RASGEF1C: variants seen among roughly 807,000 people sequenced by gnomAD.
The protein encoded by RASGEF1C is ras-GEF domain-containing family member 1C.
A neutral mutation model predicts 58.1 loss-of-function variants in RASGEF1C; 27 were observed. The ratio of observed to expected loss-of-function variants is 0.46; its 90% CI spans 0.34 to 0.64. The LOEUF (loss-of-function observed/expected upper bound fraction) is 0.64. RASGEF1C is among the 30% of genes least tolerant of loss of function. The probability of loss-of-function intolerance (pLI) is 0.01; values close to 1 mark genes in which losing one functional copy is unlikely to be tolerated. For synonymous variants in RASGEF1C, 243 were observed against 246.3 expected, an observed-to-expected ratio of 0.99 and a Z score of 0.13; for missense variants, 502 against 605.1, an observed-to-expected ratio of 0.83 and a Z score of 1.79.
intron 12 of RASGEF1C, among the ~76,000 whole-genome samples, 185 bp downstream of exon 12, chr5:180,111,272 C>G (rs1055775170): frequency 1.3e-5 from 2 of 152,290 alleles, no homozygotes; most frequent in African/African-American, 4.8e-5. Flanking sequence ...CAGGCCCATC[C>G]TGTACTCCTG....
chr5:180,194,061 TTTCTCCCTGAAAGTCCACTGGGCCTGGA>T, intron 1 of RASGEF1C, among the ~76,000 whole-genome samples: 1 of 151,850 alleles, frequency 6.6e-6, no homozygotes, highest in African/African-American at 2.4e-5. Flanking sequence ...AAAGAGATTC[TTTCTCCCTGAAAGTCCACTGGGCCTGGA>T]TGCGGTGTGA....
At chr5:180,190,406 C>T (rs191923330) in intron 1 of RASGEF1C, among the ~76,000 whole-genome samples, 19,336 of 146,714 alleles carry the variant, frequency 0.13, 1,345 homozygotes, top group Middle Eastern at 0.26. Context: ...AGGAGAGTGG[C>T]GTGAACCTGG....
In RASGEF1C at chr5:180,119,554, C is replaced by T. The variant is rs77928977; in HGVS notation, c.805-106G>A. ...CTTCACCTTCTCTAAACCCATTGCA[C>T]AGCTGAGGCACTTGAGGCTCAGGGT... On this transcript the variant is annotated intron_variant, in intron 7 of 13. Coordinates refer to ENST00000361132, the MANE Select transcript of RASGEF1C (RefSeq NM_175062.4). 1,957 of 797,026 alleles carry T rather than the reference C, an allele frequency of 2.5e-3. 21 individuals are homozygous for T. In the African/African-American group the frequency reaches 0.03, roughly 12 times the overall value. 49.4% of individuals were successfully genotyped at this position (797,026 alleles called of 1,614,324 possible). A position where few individuals can be genotyped will look rare whatever the true frequency, so the allele number is the denominator to read the frequency against.
At chr5:180,193,205 G>A (rs1328397294) in intron 1 of RASGEF1C, among the ~76,000 whole-genome samples, 1 of 114,154 alleles carries the variant, frequency 8.8e-6, no homozygotes, top group Non-Finnish European at 2.0e-5. Context: ...ACAGGTGCCC[G>A]CCACCGCACC....
In RASGEF1C at chr5:180,138,349, C is replaced by T. The variant is rs906944561; in HGVS notation, c.-6-291G>A. 2.6e-5 allele frequency: 8 copies of T among 312,776 alleles called. No individual in the cohort carries two copies. In the South Asian group the frequency reaches 4.6e-4, roughly 18 times the overall value. 19.4% of individuals were successfully genotyped at this position (312,776 alleles called of 1,614,324 possible). On this transcript the variant is annotated intron_variant, in intron 1 of 13. Transcript: ENST00000361132. ...CAGGCCTCTTCTAGATTCTTCCCCCCGGCACCCCTCCACGAAGGTTGTTTT... is the reference window on the plus strand; with the variant it reads ...CAGGCCTCTTCTAGATTCTTCCCCCTGGCACCCCTCCACGAAGGTTGTTTT...
At chr5:180,188,087 C>G (rs924682206) in intron 1 of RASGEF1C, among the ~76,000 whole-genome samples, 1 of 152,162 alleles carries the variant, frequency 6.6e-6, no homozygotes, top group Non-Finnish European at 1.5e-5. Context: ...CCCACATGTC[C>G]ATCAACAGAT....
chr5:180,180,038 C>A (rs551232056), intron 1 of RASGEF1C, among the ~76,000 whole-genome samples: 84 of 152,294 alleles, frequency 5.5e-4, no homozygotes, highest in African/African-American at 1.9e-3. Flanking sequence ...GCCAGCTAGG[C>A]GGGGGCAGGC....
In RASGEF1C at chr5:180,137,755, C is replaced by G. The variant is rs1433070002; in HGVS notation, c.178-43G>C. ...AAGAGGGCACAGGCTCAGGAGGGCA[C>G]CAGGAGGGGCATGCTTCCCAGCTGG... On this transcript the variant is annotated intron_variant, in intron 2 of 13. Coordinates refer to ENST00000361132, the MANE Select transcript of RASGEF1C (RefSeq NM_175062.4). The surrounding 1 kb of genome is among the most constrained non-coding windows in gnomAD (Gnocchi z 4.1). 2 of 1,609,338 alleles carry G rather than the reference C, an allele frequency of 1.2e-6. No individual in the cohort carries two copies. Among genetic ancestry groups the G allele is most frequent in the South Asian group, 2.2e-5 (2 of 90,548 alleles).
Position 180,158,451 on chromosome 5 carries a change from C to T in RASGEF1C, c.-6-20393G>A, listed in dbSNP as rs1204385463. Reference sequence around the variant, plus strand: ...CCTGTAAACGTTCTCATTTTACTCACACTTGCTAGTGTAGTTTATAGTTCA... The same window carrying T: ...CCTGTAAACGTTCTCATTTTACTCATACTTGCTAGTGTAGTTTATAGTTCA... On this transcript the variant is annotated intron_variant, in intron 1 of 13. Transcript: ENST00000361132. The surrounding 1 kb of genome is among the most constrained non-coding windows in gnomAD (Gnocchi z 4.0). Among the ~76,000 whole-genome samples, 1 of 152,210 alleles carries T rather than the reference C, an allele frequency of 6.6e-6. No individual in the cohort carries two copies. Among genetic ancestry groups the T allele is most frequent in the Non-Finnish European group, 1.5e-5 (1 of 68,036 alleles).
At chr5:180,182,142 T>G (rs1356637018) in intron 1 of RASGEF1C, among the ~76,000 whole-genome samples, 1 of 138,654 alleles carries the variant, frequency 7.2e-6, no homozygotes, top group Admixed American at 7.7e-5. Flanking sequence ...GAGGTGGAGC[T>G]TGCAGTGAGT....
At chr5:180,159,095 C>T (rs766826637) in intron 1 of RASGEF1C, among the ~76,000 whole-genome samples, 1 of 150,732 alleles carries the variant, frequency 6.6e-6, no homozygotes. Flanking sequence ...AATATCTTCT[C>T]TTACCTCTCT....
At chr5:180,127,417 G>A (rs2113265040) in intron 6 of RASGEF1C, among the ~76,000 whole-genome samples, 192 bp downstream of exon 6, 1 of 152,368 alleles carries the variant, frequency 6.6e-6, no homozygotes, top group African/African-American at 2.4e-5. Context: ...GCTTTCCGGG[G>A]ACTCGGGACT....
chr5:180,178,133 A>ATT (rs56344691), intron 1 of RASGEF1C, among the ~76,000 whole-genome samples: 1,786 of 135,354 alleles, frequency 0.013, 39 homozygotes, highest in African/African-American at 0.039. Context: ...AGCCTGGCTA[A>ATT]TTTTTTTTTT....
intron 1 of RASGEF1C, among the ~76,000 whole-genome samples, chr5:180,148,277 C>CT (rs920709165): frequency 6.6e-6 from 1 of 151,984 alleles, no homozygotes; most frequent in African/African-American, 2.4e-5. Context: ...ATAGTTGGAT[C>CT]TTTTTTAAAA....
intron 11 of RASGEF1C, among the ~76,000 whole-genome samples, chr5:180,112,697 T>C (rs1245063188): frequency 6.6e-6 from 1 of 152,122 alleles, no homozygotes; most frequent in African/African-American, 2.4e-5. Flanking sequence ...GCATGCTCTG[T>C]CTGACTCAGT....
intron 6 of RASGEF1C, among the ~76,000 whole-genome samples, chr5:180,126,226 T>A (rs1399323985): frequency 6.6e-6 from 1 of 152,032 alleles, no homozygotes; most frequent in Non-Finnish European, 1.5e-5. Context: ...GCTTACACGG[T>A]GAAACCCTGT....
chr5:180,137,946 C>A lies in RASGEF1C; in HGVS notation c.107G>T (p.Gly36Val). ...GEQAGQPLLD[G>V]APSSASLETL... ...TTCCAGGGAGGCTGAGGATGGCGCT[C>A]CATCCAGGAGGGGCTGCCCAGCCTG... The change falls in exon 2 of 14, where the codon GGA (glycine) becomes GTA (valine). Residue 36 changes from glycine (G) to valine (V), a missense_variant. Coordinates refer to ENST00000361132, the MANE Select transcript of RASGEF1C (RefSeq NM_175062.4). This position sits in a 1 kb window ranked among gnomAD's most constrained non-coding sequence, Gnocchi z 4.1. 1.2e-6 allele frequency: 2 copies of A among 1,612,920 alleles called. No individual in the cohort carries two copies. The highest frequency in any genetic ancestry group is 8.5e-7 in the Non-Finnish European group (1 of 1,179,716).
At chr5:180,101,669 T>C in intron 13 of RASGEF1C, 144 bp from the exon 14 acceptor site, 1 of 1,033,014 alleles carries the variant, frequency 9.7e-7, no homozygotes, top group Non-Finnish European at 1.4e-6. Flanking sequence ...TCCCTGGGGC[T>C]CAGCCCTCGA....
At chr5:180,118,893 G>A (rs1461036358) in intron 8 of RASGEF1C, 27 bp from the exon 9 acceptor site, 4 of 1,605,802 alleles carry the variant, frequency 2.5e-6, no homozygotes, top group African/African-American at 2.7e-5. Context: ...GGTTGGAGAG[G>A]GCTGCTCCTG....
Sources: gnomAD v4.1 joint callset for allele counts (sites outside exome capture counted in the v4.1 genomes callset) on GRCh38, gnomAD v4.1.1 for gene constraint, Gnocchi (gnomAD v3.1) non-coding constraint, MANE v1.5 for transcripts, NCBI Gene and HGNC (gene_info 2026-07-23, HGNC 2026-07-21) for gene names.